The following ATP13A5 variants were observed in gnomAD, a reference collection of about 807,000 sequenced individuals.
ATP13A5 encodes ATPase 13A5, also known as probable cation-transporting ATPase 13A5.
In ATP13A5, 149 loss-of-function variants were observed where a neutral mutation model predicts 150.2. The observed-to-expected ratio is 0.99, with a 90% confidence interval of 0.87 to 1.14. The LOEUF is 1.14. Among genes scored for constraint, ATP13A5 ranks in the 50% most tolerant of loss-of-function variants. The probability of loss-of-function intolerance (pLI) is 0.00; values close to 1 mark genes in which losing one functional copy is unlikely to be tolerated. For synonymous variants in ATP13A5, 497 were observed against 522.2 expected, an observed-to-expected ratio of 0.95 and a Z score of 0.66; for missense variants, 1,383 against 1,449.3, an observed-to-expected ratio of 0.95 and a Z score of 0.74.
chr3:193,342,547 C>T (rs1560142068), intron 9 of ATP13A5, among the ~76,000 whole-genome samples: 1 of 152,182 alleles, frequency 6.6e-6, no homozygotes, highest in Admixed American at 6.5e-5. Context: ...GTTCGTTTTT[C>T]CAAAAAGGAA....
At chr3:193,301,734 T>G (rs1254833398) in intron 23 of ATP13A5, among the ~76,000 whole-genome samples, 5 of 152,186 alleles carry the variant, frequency 3.3e-5, no homozygotes, top group African/African-American at 4.8e-5. Context: ...GGAATTGCAT[T>G]GTGTGTGCTT....
intron 27 of ATP13A5, among the ~76,000 whole-genome samples, chr3:193,284,277 AG>A (rs1052510761): frequency 1.3e-5 from 2 of 152,056 alleles, no homozygotes; most frequent in African/African-American, 4.8e-5. Flanking sequence ...CTTCCACCTC[AG>A]CCTCCCAAAG....
chr3:193,297,507 T>C (rs1424961421), intron 25 of ATP13A5, among the ~76,000 whole-genome samples: 1 of 152,038 alleles, frequency 6.6e-6, no homozygotes. Flanking sequence ...CTGCCTCTAC[T>C]CTCTCCTTCA....
intron 5 of ATP13A5, among the ~76,000 whole-genome samples, chr3:193,356,619 A>G (rs889657749): frequency 1.3e-5 from 2 of 152,074 alleles, no homozygotes; most frequent in African/African-American, 4.8e-5. Context: ...AAAAATACAT[A>G]AAGCATTTAG....
intron 17 of ATP13A5, 125 bp downstream of exon 17, chr3:193,318,866 G>A (rs1228776382): frequency 7.0e-6 from 5 of 710,838 alleles, no homozygotes; most frequent in Middle Eastern, 8.1e-4. Context: ...TCAGGGGACT[G>A]TACAAGATTA....
At chr3:193,279,815 A>T (rs1450693666) in intron 27 of ATP13A5, among the ~76,000 whole-genome samples, 1 of 151,894 alleles carries the variant, frequency 6.6e-6, no homozygotes, top group Admixed American at 6.6e-5. Context: ...AATAAAGTTC[A>T]GGGATCCTCT....
intron 25 of ATP13A5, 74 bp downstream of exon 25, chr3:193,299,057 C>T (rs936377818): frequency 9.3e-6 from 12 of 1,296,150 alleles, no homozygotes; most frequent in East Asian, 2.5e-5. Flanking sequence ...CTCAAAAGTT[C>T]CTTTTTGTGT....
At chr3:193,317,307 T>C (rs1017576000) in intron 17 of ATP13A5, among the ~76,000 whole-genome samples, 5 of 152,260 alleles carry the variant, frequency 3.3e-5, no homozygotes, top group Non-Finnish European at 7.3e-5. Context: ...CTTTATATTT[T>C]CCCCCTCAGG....
intron 7 of ATP13A5, among the ~76,000 whole-genome samples, chr3:193,349,179 G>A (rs1010670321): frequency 3.9e-5 from 6 of 152,298 alleles, no homozygotes; most frequent in East Asian, 1.9e-4. Flanking sequence ...GTTACAAGGT[G>A]CTTTACAGGT....
intron 1 of ATP13A5, among the ~76,000 whole-genome samples, chr3:193,377,690 G>C (rs1033052095): frequency 2.6e-5 from 4 of 152,174 alleles, no homozygotes; most frequent in Admixed American, 2.0e-4. Context: ...ATCTCACAGG[G>C]AACCAGGATG....
chr3:193,332,862 G>A (rs1021780161), intron 11 of ATP13A5, among the ~76,000 whole-genome samples: 4 of 152,022 alleles, frequency 2.6e-5, no homozygotes, highest in African/African-American at 9.7e-5. Context: ...AATACTGCCA[G>A]GGCTTCCATG....
intron 5 of ATP13A5, among the ~76,000 whole-genome samples, chr3:193,357,162 G>A (rs938495054): frequency 1.3e-5 from 2 of 152,186 alleles, no homozygotes; most frequent in African/African-American, 4.8e-5. Context: ...CACTAGGGGC[G>A]CAGTGTCTGA....
At chr3:193,330,280 T>C (rs1711579847) in intron 12 of ATP13A5, among the ~76,000 whole-genome samples, 1 of 152,248 alleles carries the variant, frequency 6.6e-6, no homozygotes, top group Non-Finnish European at 1.5e-5. Context: ...ACTCCCATTT[T>C]CCTGCTTTCT....
chr3:193,315,173 A>C, intron 17 of ATP13A5, 77 bp from the exon 18 acceptor site: 1 of 1,440,330 alleles, frequency 6.9e-7, no homozygotes, highest in Non-Finnish European at 9.3e-7. Context: ...TTCTTTTAAA[A>C]ATTTATAAGT....
chr3:193,297,893 T>C (rs1346110528), intron 25 of ATP13A5, among the ~76,000 whole-genome samples: 1 of 152,154 alleles, frequency 6.6e-6, no homozygotes, highest in Non-Finnish European at 1.5e-5. Flanking sequence ...ATCATCCATG[T>C]TTTTGGATTT....
At chr3:193,351,251 AATCAAGAAGATGTC>A in intron 6 of ATP13A5, 50 bp from the exon 7 acceptor site, 1 of 1,594,330 alleles carries the variant, frequency 6.3e-7, no homozygotes, top group South Asian at 1.1e-5. Context: ...CCTTAGTAGC[AATCAAGAAGATGTC>A]ATTTCATTAT....
Position 193,343,914 on chromosome 3 carries a change from G to A in ATP13A5, c.943+13C>T, listed in dbSNP as rs1560142586. The A allele has an allele frequency of 6.2e-7, 1 of 1,610,502 alleles. No individual in the cohort carries two copies. On this transcript the variant is annotated intron_variant, in intron 9 of 29. Coordinates refer to ENST00000342358, the MANE Select transcript of ATP13A5 (RefSeq NM_198505.4). ...TCAGACAGGGAAGAGGAAGCTCCAT[G>A]ACAACTGCCTACCTGTAAGCATGCC... is the stretch of plus-strand genomic sequence containing the variant.
At chr3:193,304,447 G>C (rs2108843416) in intron 23 of ATP13A5, among the ~76,000 whole-genome samples, 1 of 152,306 alleles carries the variant, frequency 6.6e-6, no homozygotes, top group Admixed American at 6.5e-5. Context: ...ATTCCTGCCA[G>C]TGACCTGTTT....
At chr3:193,353,883 CCAA>C (rs373098679) in intron 6 of ATP13A5, among the ~76,000 whole-genome samples, 2 of 146,422 alleles carry the variant, frequency 1.4e-5, no homozygotes, top group Non-Finnish European at 3.0e-5. Flanking sequence ...ACCACCACCA[CCAA>C]AACCACCATC....
Sources: gnomAD v4.1 joint callset for allele counts (sites outside exome capture counted in the v4.1 genomes callset) on GRCh38, gnomAD v4.1.1 for gene constraint, MANE v1.5 for transcripts, NCBI Gene and HGNC (gene_info 2026-07-23, HGNC 2026-07-21) for gene names.